The following VWF variants were observed in gnomAD, a reference collection of about 807,000 sequenced individuals.
VWF encodes Factor VIII related antigen.
A neutral mutation model predicts 308.6 loss-of-function variants in VWF; 176 were observed. The observed-to-expected ratio is 0.57, with a 90% CI of 0.50 to 0.65. The LOEUF (loss-of-function observed/expected upper bound fraction) is 0.65, where lower values mean the gene tolerates loss of function less well. VWF is among the 30% of genes least tolerant of loss of function. The pLI, the probability that VWF is intolerant of heterozygous loss-of-function variation, is 0.00. For missense variants in VWF, 3,146 were observed against 3,648.2 expected, an observed-to-expected ratio of 0.86 and a Z score of 3.55; for synonymous variants, 1,385 against 1,443.4, an observed-to-expected ratio of 0.96 and a Z score of 0.92.
At chr12:5,964,426 G>A (rs1943374784) in intron 47 of VWF, among the ~76,000 whole-genome samples, 1 of 152,168 alleles carries the variant, frequency 6.6e-6, no homozygotes, top group African/African-American at 2.4e-5. Context: ...AAAACAGAAA[G>A]AACGTAATCA....
rs1326448619 is a variant in VWF at position 6,013,377 on chromosome 12, T to G, written c.5620+104A>C. The G allele has an allele frequency of 1.7e-5, 24 of 1,424,348 alleles. No homozygotes were observed. The East Asian group carries it at 5.5e-4, about 32-fold the overall frequency. 88.2% of individuals were successfully genotyped at this position (1,424,348 alleles called of 1,614,324 possible). ...AATCTTCATTCAAGGCCAAATCTTA[T>G]GCATGGGCACCCTGGGGTCTCTTGA... On this transcript the variant is annotated intron_variant, in intron 32 of 51. Coordinates refer to ENST00000261405, the MANE Select transcript of VWF (RefSeq NM_000552.5).
intron 6 of VWF, among the ~76,000 whole-genome samples, chr12:6,082,822 T>C (rs1174570666): frequency 6.6e-6 from 1 of 152,234 alleles, no homozygotes; most frequent in Non-Finnish European, 1.5e-5. Context: ...ATTTAATTTG[T>C]CTCAGGTTTT....
chr12:6,089,929 A>G (rs2136491863), intron 6 of VWF, among the ~76,000 whole-genome samples: 1 of 152,022 alleles, frequency 6.6e-6, no homozygotes, highest in East Asian at 1.9e-4. Context: ...TGGGAAAAAA[A>G]GAAAGAAATT....
chr12:5,995,937 C>T (rs1316155958), intron 35 of VWF, 65 bp downstream of exon 35: 9 of 1,514,624 alleles, frequency 5.9e-6, no homozygotes, highest in African/African-American at 1.4e-5. Flanking sequence ...CAACTGCCAC[C>T]AGGTCCAGGT....
intron 5 of VWF, among the ~76,000 whole-genome samples, chr12:6,098,648 A>G (rs1389485918): frequency 2.6e-5 from 4 of 152,018 alleles, no homozygotes; most frequent in Non-Finnish European, 5.9e-5. Context: ...GTGTGGTGGC[A>G]GGCACCTGTA....
chr12:6,071,707 A>G (rs1201690109), intron 9 of VWF, among the ~76,000 whole-genome samples: 1 of 152,196 alleles, frequency 6.6e-6, no homozygotes, highest in Non-Finnish European at 1.5e-5. Flanking sequence ...CCAGCCCAGA[A>G]GTGTGGTGGG....
intron 10 of VWF, among the ~76,000 whole-genome samples, chr12:6,067,124 G>C (rs1473887465): frequency 2.0e-5 from 3 of 152,340 alleles, no homozygotes; most frequent in Admixed American, 2.0e-4. Flanking sequence ...GTGGAGGACA[G>C]AGCAGGCCAC....
chr12:6,082,385 C>A (rs1004561727), intron 6 of VWF, among the ~76,000 whole-genome samples: 4 of 152,148 alleles, frequency 2.6e-5, no homozygotes, highest in African/African-American at 9.7e-5. Flanking sequence ...CCCACATAAA[C>A]AAAATCTCTT....
rs543652057 is a variant in VWF, at chr12:6,058,572, G to A, written c.1534-528C>T. On this transcript the variant is annotated intron_variant, in intron 13 of 51. Coordinates refer to ENST00000261405, the MANE Select transcript of VWF (RefSeq NM_000552.5). The surrounding 1 kb of genome is among the most constrained non-coding windows in gnomAD (Gnocchi z 4.9). ...TGGTCCAAGCCCTCCGGGAGCTCAC[G>A]GTTAATGACAAGAAACACCTCCCCA... is the stretch of plus-strand genomic sequence containing the variant. 1.3e-5 allele frequency among the ~76,000 whole-genome samples: 2 copies of A among 152,250 alleles called. No homozygotes were observed. Among genetic ancestry groups the A allele is most frequent in the East Asian group, 1.9e-4 (1 of 5,176 alleles).
chr12:6,081,425 C>T (rs1418645642), intron 6 of VWF, among the ~76,000 whole-genome samples: 2 of 152,096 alleles, frequency 1.3e-5, no homozygotes, highest in Non-Finnish European at 1.5e-5. Flanking sequence ...CTGCAACCTC[C>T]GACTTCCTGG....
intron 38 of VWF, among the ~76,000 whole-genome samples, chr12:5,990,657 C>T (rs1051291633): frequency 6.6e-5 from 10 of 151,848 alleles, no homozygotes; most frequent in Non-Finnish European, 1.5e-4. Context: ...TCTATCTCTA[C>T]CACGGTCTGT....
intron 44 of VWF, among the ~76,000 whole-genome samples, chr12:5,969,707 T>C (rs963531675): frequency 2.6e-5 from 4 of 152,194 alleles, no homozygotes; most frequent in African/African-American, 9.6e-5. Context: ...AGCAGCACTG[T>C]GGGCCATCAG....
At chr12:6,036,641 G>T (rs1565838867) in intron 18 of VWF, 150 bp from the exon 19 acceptor site, 4 of 775,684 alleles carry the variant, frequency 5.2e-6, no homozygotes, top group East Asian at 5.4e-5. Flanking sequence ...GAGCCAGGGG[G>T]ACAGCTTCCA....
intron 10 of VWF, 61 bp downstream of exon 10, chr12:6,071,236 G>C (rs943372060): frequency 3.1e-6 from 5 of 1,593,154 alleles, no homozygotes; most frequent in South Asian, 1.1e-5. Context: ...TCTGGTAAGA[G>C]AGGAGGAGAC....
chr12:6,121,134 C>A (rs2136535283), intron 3 of VWF, 40 bp downstream of exon 3: 1 of 1,613,506 alleles, frequency 6.2e-7, no homozygotes, highest in Non-Finnish European at 8.5e-7. Context: ...GCTCAGCCAG[C>A]CCTCCCTCTG....
rs1249623519 is a variant in VWF, at chr12:6,062,977, C to A, written c.1510G>T (p.Gly504Cys). ...ACCTTCACCAGCAGCCTCCCGCGGC[C>A]ATCCCAGTCCATCTGCAGGTCCTCC... is the stretch of plus-strand genomic sequence containing the variant. ...YGEDLQMDWD[G>C]RGRLLVKLSP... The change falls in exon 13 of 52, where the codon GGC becomes TGC. Residue 504 changes from glycine (G) to cysteine (C), a missense_variant. By Grantham distance (159) the Gly-to-Cys change is radical (BLOSUM62 -3). Coordinates refer to ENST00000261405, the MANE Select transcript of VWF (RefSeq NM_000552.5). The A allele has an allele frequency of 1.2e-6, 2 of 1,613,208 alleles. No homozygotes were observed. Among genetic ancestry groups the A allele is most frequent in the Non-Finnish European group, 1.7e-6 (2 of 1,180,012 alleles).
chr12:5,961,351 G>A (rs1370299249), intron 47 of VWF, among the ~76,000 whole-genome samples: 1 of 152,122 alleles, frequency 6.6e-6, no homozygotes, highest in Non-Finnish European at 1.5e-5. Flanking sequence ...CAAAAAGGTT[G>A]GGCACTGCTG....
Position 5,967,504 on chromosome 12 carries a change from G to A in VWF, c.7869C>T (p.Thr2623=), listed in dbSNP as rs1943417337. The A allele has an allele frequency of 5.6e-6, 9 of 1,614,046 alleles. No individual in the cohort carries two copies. The highest frequency in any genetic ancestry group is 1.1e-5 in the South Asian group (1 of 91,086). The part of the protein sequence containing the change: ...SGFKLECRKT[T]CNPCPLGYKE... ...CTCTTACCAGGGGGCAGGGGTTGCA[G>A]GTGGTCTTCCTGCACTCCAGCTTGA... Residue 2623 remains threonine, a synonymous_variant, in exon 47 of 52, where the codon ACC becomes ACT. Coordinates refer to ENST00000261405, the MANE Select transcript of VWF (RefSeq NM_000552.5).
At chr12:5,952,643 G>T (rs1007754649) in intron 48 of VWF, 124 bp from the exon 49 acceptor site, 103 of 1,364,008 alleles carry the variant, frequency 7.6e-5, no homozygotes, top group Non-Finnish European at 1.0e-4. Flanking sequence ...CAAGAAGACA[G>T]TGTATAATAA....
Sources: gnomAD v4.1 joint callset for allele counts (sites outside exome capture counted in the v4.1 genomes callset) on GRCh38, gnomAD v4.1.1 for gene constraint, Gnocchi (gnomAD v3.1) non-coding constraint, MANE v1.5 for transcripts, NCBI Gene and HGNC (gene_info 2026-07-23, HGNC 2026-07-21) for gene names.